Variants in NDUFAF2 observed in about 807,000 individuals in gnomAD.
NDUFAF2 encodes NADH:ubiquinone oxidoreductase complex assembly factor 2.
Under a neutral mutation model 22.8 loss-of-function variants are expected in NDUFAF2, and 13 were observed. The ratio of observed to expected loss-of-function variants is 0.57; its 90% CI spans 0.37 to 0.91. The LOEUF (loss-of-function observed/expected upper bound fraction) is 0.91, where lower values mean the gene tolerates loss of function less well. NDUFAF2 is among the 40% of genes least tolerant of loss of function. The pLI is 0.01. For synonymous variants in NDUFAF2, 53 were observed against 64.2 expected, an observed-to-expected ratio of 0.83 and a Z score of 0.84; for missense variants, 162 against 195.2, an observed-to-expected ratio of 0.83 and a Z score of 1.01.
chr5:60,972,378 G>C (rs77936659), intron 1 of NDUFAF2, among the ~76,000 whole-genome samples: 2 of 152,064 alleles, frequency 1.3e-5, no homozygotes, highest in Non-Finnish European at 2.9e-5. Flanking sequence ...AATCACGGGG[G>C]TGGTTTCCCC....
chr5:61,020,066 A>T (rs1751559287), intron 1 of NDUFAF2, among the ~76,000 whole-genome samples: 1 of 152,160 alleles, frequency 6.6e-6, no homozygotes, highest in South Asian at 2.1e-4. Context: ...TTGGAAAATT[A>T]TACTGTTTAA....
chr5:61,074,218 G>A (rs767293411), intron 2 of NDUFAF2, among the ~76,000 whole-genome samples: 7 of 152,244 alleles, frequency 4.6e-5, no homozygotes, highest in South Asian at 2.1e-4. Flanking sequence ...TCGGGAGGTC[G>A]AAGTGGGCGG....
chr5:61,073,808 A>G (rs1752332549), intron 2 of NDUFAF2, among the ~76,000 whole-genome samples: 1 of 152,204 alleles, frequency 6.6e-6, no homozygotes, highest in African/African-American at 2.4e-5. Flanking sequence ...TCTAACAGTA[A>G]CATATGAACT....
At chr5:60,993,184 G>A (rs989744745) in intron 1 of NDUFAF2, among the ~76,000 whole-genome samples, 1 of 152,226 alleles carries the variant, frequency 6.6e-6, no homozygotes, top group Non-Finnish European at 1.5e-5. Context: ...ATGGGCACTG[G>A]CTCTTTGTGA....
intron 1 of NDUFAF2, among the ~76,000 whole-genome samples, chr5:61,003,079 G>T (rs1751317936): frequency 6.6e-6 from 1 of 151,938 alleles, no homozygotes; most frequent in Non-Finnish European, 1.5e-5. Flanking sequence ...GTCCATTTGT[G>T]ACTCTACAGG....
rs947580592 is a variant in NDUFAF2, at chr5:60,951,533, T to C, written c.127+6151T>C. 1.3e-5 allele frequency among the ~76,000 whole-genome samples: 2 copies of C among 152,204 alleles called. 1 individual carries two copies. Among genetic ancestry groups the C allele is most frequent in the South Asian group, 4.1e-4 (2 of 4,834 alleles). On this transcript the variant is annotated intron_variant, in intron 1 of 3. Transcript: ENST00000296597. ...TTGATTGATTGTTGAATGTCTTGAA[T>C]ATTGCATTTGTCAGGTAAACTCCAC... is the stretch of plus-strand genomic sequence containing the variant.
chr5:61,059,606 T>A (rs1752139890), intron 1 of NDUFAF2, among the ~76,000 whole-genome samples: 1 of 152,200 alleles, frequency 6.6e-6, no homozygotes, highest in Non-Finnish European at 1.5e-5. Flanking sequence ...ATATAAAGCA[T>A]TTCAGAATAA....
At chr5:61,143,981 TG>T (rs1741095643) in intron 3 of NDUFAF2, among the ~76,000 whole-genome samples, 2 of 150,842 alleles carry the variant, frequency 1.3e-5, no homozygotes, top group Non-Finnish European at 3.0e-5. Context: ...TGTGTGTGTG[TG>T]TGTGTGTGTG....
chr5:60,962,971 C>T (rs1053088183), intron 1 of NDUFAF2, among the ~76,000 whole-genome samples: 7 of 151,954 alleles, frequency 4.6e-5, no homozygotes, highest in Admixed American at 1.3e-4. Context: ...CTGCAACCTG[C>T]GCCTTCCAGG....
chr5:61,114,693 A>G (rs1420003638), intron 3 of NDUFAF2: 6 of 152,022 alleles, frequency 3.9e-5, no homozygotes, highest in Non-Finnish European at 8.8e-5. Flanking sequence ...CTTTCCAAGT[A>G]TTTGAAAGCA....
At chr5:61,089,367 A>G (rs1389438152) in intron 2 of NDUFAF2, among the ~76,000 whole-genome samples, 1 of 152,176 alleles carries the variant, frequency 6.6e-6, no homozygotes. Context: ...GCAAAATTAT[A>G]TAATTTATAA....
At chr5:61,143,275 T>C (rs187440675) in intron 3 of NDUFAF2, among the ~76,000 whole-genome samples, 316 of 152,234 alleles carry the variant, frequency 2.1e-3, no homozygotes, top group African/African-American at 7.4e-3. Context: ...TAAATCGTTT[T>C]GTAGTCTATG....
At chr5:61,026,679 T>C (rs1751654136) in intron 1 of NDUFAF2, among the ~76,000 whole-genome samples, 1 of 152,076 alleles carries the variant, frequency 6.6e-6, no homozygotes, top group Non-Finnish European at 1.5e-5. Flanking sequence ...GAATAACAAT[T>C]ATTATTTTAA....
At chr5:61,022,266 C>T (rs945435518) in intron 1 of NDUFAF2, among the ~76,000 whole-genome samples, 1 of 152,172 alleles carries the variant, frequency 6.6e-6, no homozygotes, top group African/African-American at 2.4e-5. Flanking sequence ...ATTTAACTTT[C>T]TAATGTGTTT....
chr5:60,984,008 G>A lies in NDUFAF2; in HGVS notation c.127+38626G>A, dbSNP rs890091414. 3.8e-4 allele frequency among the ~76,000 whole-genome samples: 58 copies of A among 151,928 alleles called. 1 individual carries two copies. In the Middle Eastern group the frequency reaches 0.027, roughly 71 times the overall value. ...CCTTGGGCAGTATGGCCATTTTCACGATACTGATTCTTCCTACCCATGAGC... is the reference window on the plus strand; with the variant it reads ...CCTTGGGCAGTATGGCCATTTTCACAATACTGATTCTTCCTACCCATGAGC... On this transcript the variant is annotated intron_variant, in intron 1 of 3. Transcript: ENST00000296597.
chr5:61,015,969 C>T (rs534052893), intron 1 of NDUFAF2, among the ~76,000 whole-genome samples: 3 of 152,068 alleles, frequency 2.0e-5, no homozygotes, highest in Admixed American at 1.3e-4. Context: ...AGGCAGATCA[C>T]AAGGTCAAGA....
At chr5:61,092,402 T>G (rs1368994618) in intron 2 of NDUFAF2, among the ~76,000 whole-genome samples, 1 of 152,124 alleles carries the variant, frequency 6.6e-6, no homozygotes, top group Non-Finnish European at 1.5e-5. Context: ...GGGCAGTGGT[T>G]TGTAGTTCTC....
chr5:61,058,169 C>A (rs1049860345), intron 1 of NDUFAF2, among the ~76,000 whole-genome samples: 1 of 152,098 alleles, frequency 6.6e-6, no homozygotes, highest in Non-Finnish European at 1.5e-5. Flanking sequence ...GTATCTGCTA[C>A]ATTTCGAATC....
chr5:61,042,546 G>T (rs1751897360), intron 1 of NDUFAF2, among the ~76,000 whole-genome samples: 1 of 152,108 alleles, frequency 6.6e-6, no homozygotes, highest in African/African-American at 2.4e-5. Context: ...TGCCAGTTGT[G>T]TGTGTGCATG....
Sources: allele counts gnomAD v4.1 joint callset (sites outside exome capture counted in the v4.1 genomes callset), GRCh38; gene constraint gnomAD v4.1.1; transcripts MANE v1.5; gene names NCBI Gene and HGNC (gene_info 2026-07-23, HGNC 2026-07-21).